Variants in MAP3K7 observed in about 807,000 individuals in gnomAD.
MAP3K7 encodes mitogen-activated protein kinase kinase kinase 7.
MAP3K7 carries 21 observed loss-of-function variants against 84.8 expected under a neutral mutation model. The ratio of observed to expected loss-of-function variants is 0.25; its 90% CI spans 0.18 to 0.36. The LOEUF is 0.36. Among genes scored for constraint, MAP3K7 ranks in the 10% least tolerant of loss-of-function variants. MAP3K7 has a pLI of 1.00. For synonymous variants in MAP3K7, 241 were observed against 247.7 expected (o/e 0.97, Z 0.25); for missense variants, 503 against 747.7 (o/e 0.67, Z 3.82).
intron 13 of MAP3K7, among the ~76,000 whole-genome samples, chr6:90,529,527 C>CA (rs2127960665): frequency 6.6e-6 from 1 of 152,226 alleles, no homozygotes; most frequent in Non-Finnish European, 1.5e-5. Context: ...GTGTTGGAGA[C>CA]AAGACAGCCC....
intron 2 of MAP3K7, 65 bp downstream of exon 2, chr6:90,571,632 T>G: frequency 1.1e-6 from 1 of 915,964 alleles, no homozygotes; most frequent in Non-Finnish European, 1.6e-6. Context: ...ATCTTTTTCA[T>G]AATATTAAAT....
chr6:90,533,270 T>C (rs1367057487), intron 13 of MAP3K7, among the ~76,000 whole-genome samples: 4 of 152,194 alleles, frequency 2.6e-5, no homozygotes, highest in East Asian at 1.9e-4. Flanking sequence ...ATAGGCTTTA[T>C]TGGTATTGTC....
chr6:90,543,695 G>T (rs985472851), intron 12 of MAP3K7, among the ~76,000 whole-genome samples: 1 of 151,996 alleles, frequency 6.6e-6, no homozygotes, highest in Admixed American at 6.6e-5. Context: ...ACTCATGAAC[G>T]TGTGTGGAAA....
chr6:90,568,702 G>A, intron 2 of MAP3K7, 79 bp from the exon 3 acceptor site: 3 of 983,688 alleles, frequency 3.0e-6, no homozygotes, highest in Admixed American at 4.8e-5. Flanking sequence ...AAATCTTACT[G>A]TTGTACAAAA....
Position 90,547,325 on chromosome 6 carries a change from T to G in MAP3K7, c.1143A>C (p.Pro381=), listed in dbSNP as rs1380758629. The change falls in exon 11 of 17, where the codon CCA becomes CCC. Residue 381 remains proline (P), a synonymous_variant. Coordinates refer to ENST00000369329, the MANE Select transcript of MAP3K7 (RefSeq NM_145331.3). ...CACTCATCCTCTTGCCCTCAGAGGT[T>G]GGGGGCAAGCTCTCCACACTGCTCC... ...SRGSSVESLP[P]TSEGKRMSAD... is the part of the protein sequence containing the mutation. The G allele has an allele frequency of 6.2e-7, 1 of 1,612,588 alleles. No homozygotes were observed. The highest frequency in any genetic ancestry group is 1.3e-5 in the African/African-American group (1 of 74,710).
At chr6:90,575,787 A>G (rs546705316) in intron 1 of MAP3K7, among the ~76,000 whole-genome samples, 12 of 152,292 alleles carry the variant, frequency 7.9e-5, no homozygotes, top group Non-Finnish European at 1.6e-4. Context: ...TCTGCCTTCA[A>G]AGGATGCAAG....
chr6:90,586,941 G>A lies in MAP3K7; in HGVS notation c.-58C>T. 6.6e-7 allele frequency: 1 copy of A among 1,508,770 alleles called. No individual in the cohort carries two copies. The highest frequency in any genetic ancestry group is 1.2e-5 in the South Asian group (1 of 80,754). The allele number at this position is 1,508,770 out of a possible 1,614,324, so 93.5% of individuals were successfully genotyped here. ...GGTGCCACCCGGACAATCCGGGTGA[G>A]ACCCGCGCCCACCCGCCTCCGGACC... On this transcript the variant is annotated 5_prime_UTR_variant, in exon 1 of 17. Coordinates refer to ENST00000369329, the MANE Select transcript of MAP3K7 (RefSeq NM_145331.3).
At chr6:90,563,457 T>C (rs1776593186) in intron 3 of MAP3K7, among the ~76,000 whole-genome samples, 1 of 151,944 alleles carries the variant, frequency 6.6e-6, no homozygotes, top group African/African-American at 2.4e-5. Context: ...TTTGATCAAG[T>C]GGAAGAAAGG....
chr6:90,514,536 C>T lies in MAP3K7; in HGVS notation c.*1965G>A, dbSNP rs1774895756. 1 of 90,874 alleles carries T rather than the reference C, an allele frequency of 1.1e-5. No homozygotes were observed. The highest frequency in any genetic ancestry group is 4.6e-5 in the African/African-American group (1 of 21,778). The allele number at this position is 90,874 out of a possible 1,614,324, so 5.6% of individuals were successfully genotyped here. A position where few individuals can be genotyped will look rare whatever the true frequency, so the allele number is the denominator to read the frequency against. On this transcript the variant is annotated 3_prime_UTR_variant, in exon 17 of 17. Coordinates refer to ENST00000369329, the MANE Select transcript of MAP3K7 (RefSeq NM_145331.3). ...TTTATGAAATGACTACATGTAAAAA[C>T]CATAATAAAATTTCCCTTAAATGTG...
intron 11 of MAP3K7, 102 bp downstream of exon 11, chr6:90,547,156 A>T (rs1252401116): frequency 1.3e-5 from 18 of 1,340,060 alleles, no homozygotes; most frequent in Non-Finnish European, 1.7e-5. Context: ...CTATTTAAAA[A>T]AAAATATAAG....
At chr6:90,559,836 T>C (rs190367573) in intron 5 of MAP3K7, among the ~76,000 whole-genome samples, 110 of 152,314 alleles carry the variant, frequency 7.2e-4, no homozygotes, top group Middle Eastern at 3.4e-3. Flanking sequence ...TCTAGAAGTA[T>C]GCTAATCTAA....
At chr6:90,548,368 C>A (rs971291166) in intron 9 of MAP3K7, among the ~76,000 whole-genome samples, 191 bp from the exon 10 acceptor site, 2 of 152,006 alleles carry the variant, frequency 1.3e-5, no homozygotes, top group African/African-American at 2.4e-5. Context: ...AAAAAAGGAA[C>A]CAAGATGCCT....
At chr6:90,582,778 T>A (rs1426468444) in intron 1 of MAP3K7, among the ~76,000 whole-genome samples, 1 of 152,184 alleles carries the variant, frequency 6.6e-6, no homozygotes, top group Non-Finnish European at 1.5e-5. Context: ...TATATTCAGT[T>A]TTAAATTTGT....
intron 13 of MAP3K7, among the ~76,000 whole-genome samples, chr6:90,531,247 T>C (rs1194393331): frequency 1.3e-5 from 2 of 152,170 alleles, no homozygotes; most frequent in African/African-American, 4.8e-5. Context: ...TTTTAATATC[T>C]TACCTGAAAG....
In MAP3K7 at chr6:90,544,538, G is replaced by C; in HGVS notation, c.1291+14C>G. On this transcript the variant is annotated intron_variant, in intron 12 of 16. Coordinates refer to ENST00000369329, the MANE Select transcript of MAP3K7 (RefSeq NM_145331.3). ...TTCCACAGCTATTAGACCAACTCAG[G>C]TGGTCTATGATACCTGATATGACGA... is the stretch of plus-strand genomic sequence containing the variant. 1 of 1,605,386 alleles carries C rather than the reference G, an allele frequency of 6.2e-7. No individual in the cohort carries two copies. The highest frequency in any genetic ancestry group is 8.5e-7 in the Non-Finnish European group (1 of 1,172,546).
intron 5 of MAP3K7, among the ~76,000 whole-genome samples, chr6:90,558,602 A>C (rs913115139): frequency 6.6e-6 from 1 of 152,172 alleles, no homozygotes; most frequent in Admixed American, 6.5e-5. Context: ...CAAAAGGAGA[A>C]TCTCTATCTA....
rs1775677760 is a variant in MAP3K7 at position 90,536,358 on chromosome 6, T to C, written c.1335A>G (p.Val445=). Residue 445 remains valine, a synonymous_variant, in exon 13 of 17, where the codon GTA becomes GTG. Transcript: ENST00000369329. ...TTACCTGACCAGGTTCTGTTCCAGT[T>C]ACAGTCAAGTCTTGGATGGATCTAC... The part of the protein sequence containing the change: ...PRRRSIQDLT[V]TGTEPGQVSS... 2 of 1,612,282 alleles carry C rather than the reference T, an allele frequency of 1.2e-6. No homozygotes were observed. The highest frequency in any genetic ancestry group is 1.7e-6 in the Non-Finnish European group (2 of 1,178,786).
intron 1 of MAP3K7, among the ~76,000 whole-genome samples, chr6:90,582,627 C>A (rs1489737802): frequency 6.6e-6 from 1 of 152,112 alleles, no homozygotes; most frequent in African/African-American, 2.4e-5. Flanking sequence ...GGAACAACTA[C>A]AAAGAAAATT....
chr6:90,580,294 G>A (rs1422407042), intron 1 of MAP3K7, among the ~76,000 whole-genome samples: 1 of 152,158 alleles, frequency 6.6e-6, no homozygotes, highest in African/African-American at 2.4e-5. Flanking sequence ...CCACTCTTGA[G>A]ACATACTGGC....
Sources: gnomAD v4.1 joint callset for allele counts (sites outside exome capture counted in the v4.1 genomes callset) on GRCh38, gnomAD v4.1.1 for gene constraint, MANE v1.5 for transcripts, NCBI Gene and HGNC (gene_info 2026-07-23, HGNC 2026-07-21) for gene names.